The following LRRC43 variants were observed in gnomAD, a reference collection of about 807,000 sequenced individuals.
The protein encoded by LRRC43 is leucine-rich repeat-containing protein 43.
A neutral mutation model predicts 64.3 loss-of-function variants in LRRC43; 62 were observed. The observed-to-expected ratio is 0.96, with a 90% CI of 0.79 to 1.19. The LOEUF is 1.19. Among genes scored for constraint, LRRC43 ranks in the 50% most tolerant of loss-of-function variants. LRRC43 has a pLI of 0.00. For missense variants in LRRC43, 868 were observed against 845.0 expected, an observed-to-expected ratio of 1.03 and a Z score of -0.34; for synonymous variants, 422 against 382.3, an observed-to-expected ratio of 1.10 and a Z score of -1.21.
At chr12:122,172,845 AT>A in intron 1 of LRRC43, 1 of 868,432 alleles carries the variant, frequency 1.2e-6, no homozygotes, top group South Asian at 1.7e-5. Context: ...TCGTTGATAT[AT>A]TTATCTGATC....
chr12:122,200,736 G>A lies in LRRC43; in HGVS notation c.1621-10G>A, dbSNP rs371064226. 1.3e-4 allele frequency: 211 copies of A among 1,612,730 alleles called. No homozygotes were observed. Among genetic ancestry groups the A allele is most frequent in the Middle Eastern group, 1.6e-4 (1 of 6,078 alleles). On this transcript the variant is annotated splice_polypyrimidine_tract_variant and intron_variant, in intron 9 of 11. Transcript: ENST00000339777. This position sits in a 1 kb window ranked among gnomAD's most constrained non-coding sequence, Gnocchi z 4.6. Reference sequence around the variant, plus strand: ...ACTTGTCCCACCCTCCTGTCCTCCCGTCGTCGCAGGAGTGGAAGGTGCTGA... The same window carrying A: ...ACTTGTCCCACCCTCCTGTCCTCCCATCGTCGCAGGAGTGGAAGGTGCTGA...
chr12:122,172,888 C>G (rs1953501786), intron 1 of LRRC43: 2 of 677,544 alleles, frequency 3.0e-6, no homozygotes, highest in South Asian at 3.9e-5. Flanking sequence ...TGTGCCATCA[C>G]CAACCCCATT....
chr12:122,185,284 T>C (rs184264572), intron 2 of LRRC43, among the ~76,000 whole-genome samples: 168 of 152,206 alleles, frequency 1.1e-3, no homozygotes, highest in Middle Eastern at 3.4e-3. Flanking sequence ...AGGCCCAGCC[T>C]GGGCAACATA....
upstream of LRRC43, among the ~76,000 whole-genome samples, chr12:122,180,251 G>A (rs1371253624): frequency 2.0e-5 from 3 of 152,126 alleles, no homozygotes; most frequent in East Asian, 5.8e-4. Context: ...GGGGCGAGTG[G>A]CTCACACCTG....
upstream of LRRC43, among the ~76,000 whole-genome samples, chr12:122,178,224 C>T (rs1243743723): frequency 6.8e-6 from 1 of 146,152 alleles, no homozygotes; most frequent in Admixed American, 6.8e-5. Context: ...ACATGTCAGC[C>T]TTACTGGGGT....
intron 6 of LRRC43, among the ~76,000 whole-genome samples, chr12:122,191,898 C>T (rs895587494): frequency 2.0e-5 from 3 of 152,126 alleles, no homozygotes; most frequent in East Asian, 1.9e-4. Flanking sequence ...AAGTGATCCT[C>T]GGCCTCCCAA....
Position 122,191,552 on chromosome 12 carries a change from G to A in LRRC43, c.1074G>A (p.Ala358=), listed in dbSNP as rs13377703. 1.8e-3 allele frequency: 2,849 copies of A among 1,613,894 alleles called. 49 individuals carry two copies. In the African/African-American group the frequency reaches 0.033, roughly 19 times the overall value. Residue 358 remains alanine, a synonymous_variant, in exon 6 of 12, where the codon GCG becomes GCA. Transcript: ENST00000339777. ...KDEEGEMNES[A]GVLAEIVKPS... ...AAGAAGGCGAAATGAATGAGTCCGC[G>A]GGCGTCCTGGCCGAGGTGTGCCCTG...
At chr12:122,194,722 C>T (rs1384792426) in intron 7 of LRRC43, among the ~76,000 whole-genome samples, 1 of 152,184 alleles carries the variant, frequency 6.6e-6, no homozygotes, top group African/African-American at 2.4e-5. Context: ...CCTACTGCCT[C>T]AGCCTCCCAA....
In LRRC43 at chr12:122,184,549, C is replaced by A. The variant is rs200229491; in HGVS notation, c.181C>A (p.Arg61=). The A allele has an allele frequency of 1.9e-6, 3 of 1,613,556 alleles. No individual in the cohort carries two copies. Among genetic ancestry groups the A allele is most frequent in the East Asian group, 2.2e-5 (1 of 44,872 alleles). ...GTCGCGCTTTCTTCCTCAAACTTGG[C>A]GAACTTGGAGGGAGCTTGTCCCCAG... ...NKSRFLPQTW[R]TWRELVPREE... The change falls in exon 2 of 12, where the codon CGA becomes AGA. Residue 61 remains arginine (R), a synonymous_variant. Coordinates refer to ENST00000339777, the MANE Select transcript of LRRC43 (RefSeq NM_001098519.2). This position sits in a 1 kb window ranked among gnomAD's most constrained non-coding sequence, Gnocchi z 4.0.
chr12:122,195,789 A>C (rs1370346334), intron 7 of LRRC43, among the ~76,000 whole-genome samples: 1 of 152,120 alleles, frequency 6.6e-6, no homozygotes, highest in Non-Finnish European at 1.5e-5. Flanking sequence ...TTTAAATCAA[A>C]TTTTGGAAGT....
At position 122,184,407 on chromosome 12, in the gene LRRC43, T is replaced by G. The variant is rs1953616427; in HGVS notation, c.151-112T>G. 8 of 1,376,240 alleles carry G rather than the reference T, an allele frequency of 5.8e-6. No homozygotes were observed. The South Asian group carries it at 1.1e-4, about 20-fold the overall frequency. The allele number at this position is 1,376,240 out of a possible 1,614,324, so 85.3% of individuals were successfully genotyped here. The stretch of plus-strand genomic sequence containing the variant: ...CCGCACCTGGCCTACTCTCTAGATT[T>G]CTAAACTCTATCCCTAATCGTCCAG... On this transcript the variant is annotated intron_variant, in intron 1 of 11. Coordinates refer to ENST00000339777, the MANE Select transcript of LRRC43 (RefSeq NM_001098519.2). The surrounding 1 kb of genome is among the most constrained non-coding windows in gnomAD (Gnocchi z 4.0).
At chr12:122,197,347 G>A (rs1321584786) in intron 7 of LRRC43, among the ~76,000 whole-genome samples, 1 of 151,814 alleles carries the variant, frequency 6.6e-6, no homozygotes, top group Non-Finnish European at 1.5e-5. Flanking sequence ...TGTATTTTTA[G>A]TAGAGACAGA....
At chr12:122,186,715 T>C (rs1342094051) in intron 3 of LRRC43, among the ~76,000 whole-genome samples, 1 of 152,104 alleles carries the variant, frequency 6.6e-6, no homozygotes, top group Non-Finnish European at 1.5e-5. Context: ...GGTCAGGAGT[T>C]TGAGACCAGC....
At chr12:122,196,045 T>C (rs547825933) in intron 7 of LRRC43, among the ~76,000 whole-genome samples, 2 of 152,334 alleles carry the variant, frequency 1.3e-5, no homozygotes, top group African/African-American at 4.8e-5. Flanking sequence ...TCTTGAGCAT[T>C]AATGTGGCAC....
chr12:122,179,197 A>C (rs1280440649), upstream of LRRC43, among the ~76,000 whole-genome samples: 2 of 151,918 alleles, frequency 1.3e-5, no homozygotes, highest in Non-Finnish European at 2.9e-5. Flanking sequence ...CAGGCTCAAG[A>C]GATCCTTCCG....
intron 1 of LRRC43, chr12:122,172,451 T>C (rs766705750): frequency 5.6e-6 from 9 of 1,614,146 alleles, no homozygotes; most frequent in Non-Finnish European, 7.6e-6. Context: ...TCAATGATTT[T>C]AGTGCGAGGT....
intron 4 of LRRC43, 173 bp from the exon 5 acceptor site, chr12:122,189,957 G>A: frequency 1.5e-6 from 1 of 679,492 alleles, no homozygotes; most frequent in Non-Finnish European, 2.6e-6. Flanking sequence ...GAGATGAAGA[G>A]CCAGGCACTC....
At chr12:122,168,749 C>T (rs1173197865) in intron 1 of LRRC43, among the ~76,000 whole-genome samples, 1 of 152,098 alleles carries the variant, frequency 6.6e-6, no homozygotes, top group African/African-American at 2.4e-5. Context: ...ACTAAACTAC[C>T]AACTGTCTGA....
chr12:122,188,944 C>G (rs1953679798), intron 4 of LRRC43, among the ~76,000 whole-genome samples: 1 of 152,078 alleles, frequency 6.6e-6, no homozygotes, highest in South Asian at 2.1e-4. Flanking sequence ...CCTGATGTCC[C>G]CTGAGCAGCA....
Sources: gnomAD v4.1 joint callset for allele counts (sites outside exome capture counted in the v4.1 genomes callset) on GRCh38, gnomAD v4.1.1 for gene constraint, Gnocchi (gnomAD v3.1) non-coding constraint, MANE v1.5 for transcripts, NCBI Gene and HGNC (gene_info 2026-07-23, HGNC 2026-07-21) for gene names.